The following FHIT variants were observed in gnomAD, a reference collection of about 807,000 sequenced individuals.
FHIT encodes the protein fragile histidine triad diadenosine triphosphatase.
A neutral mutation model predicts 17.9 loss-of-function variants in FHIT; 19 were observed. The ratio of observed to expected loss-of-function variants is 1.06; its 90% CI spans 0.74 to 1.56. The LOEUF (loss-of-function observed/expected upper bound fraction) is 1.56. FHIT is among the 40% of genes most tolerant of loss of function. The pLI is 0.00. For synonymous variants in FHIT, 81 were observed against 69.7 expected, an observed-to-expected ratio of 1.16 and a Z score of -0.81; for missense variants, 248 against 189.2, an observed-to-expected ratio of 1.31 and a Z score of -1.82.
At chr3:59,918,552 T>C (rs1453142613) in intron 8 of FHIT, among the ~76,000 whole-genome samples, 4 of 152,088 alleles carry the variant, frequency 2.6e-5, no homozygotes, top group African/African-American at 9.7e-5. Flanking sequence ...TGTAAATGAA[T>C]AGGCAGGGAG....
intron 3 of FHIT, among the ~76,000 whole-genome samples, chr3:60,956,717 G>A (rs1553779013): frequency 6.6e-6 from 1 of 152,146 alleles, no homozygotes; most frequent in East Asian, 1.9e-4. Context: ...TGCTGACCAG[G>A]TGTAAAACCA....
At chr3:61,219,327 ATG>A (rs72023729) in intron 1 of FHIT, among the ~76,000 whole-genome samples, 67,360 of 146,582 alleles carry the variant, frequency 0.46, 15,776 homozygotes, top group Middle Eastern at 0.55. Context: ...AAATCTAAAA[ATG>A]TGTGTGTGTG....
chr3:59,772,851 C>A (rs896768803), intron 8 of FHIT, among the ~76,000 whole-genome samples: 1 of 152,108 alleles, frequency 6.6e-6, no homozygotes, highest in Non-Finnish European at 1.5e-5. Context: ...CAGCGAATAT[C>A]GAGGGAGAAA....
intron 5 of FHIT, among the ~76,000 whole-genome samples, chr3:60,029,982 G>A (rs1457316095): frequency 1.3e-5 from 2 of 150,462 alleles, no homozygotes; most frequent in African/African-American, 4.9e-5. Flanking sequence ...TTTTATGATA[G>A]TTTTTGTTAT....
intron 4 of FHIT, among the ~76,000 whole-genome samples, chr3:60,724,667 T>G (rs1212888806): frequency 2.0e-5 from 3 of 149,734 alleles, no homozygotes; most frequent in East Asian, 1.9e-4. Flanking sequence ...TTTGTTTTTT[T>G]TTTTTTTGAG....
intron 2 of FHIT, among the ~76,000 whole-genome samples, chr3:61,159,405 C>T (rs901033947): frequency 2.0e-5 from 3 of 152,216 alleles, no homozygotes; most frequent in Non-Finnish European, 4.4e-5. Context: ...TTTCAACCCC[C>T]ACCCACACCT....
At chr3:59,793,036 T>C (rs750128664) in intron 8 of FHIT, among the ~76,000 whole-genome samples, 1 of 151,662 alleles carries the variant, frequency 6.6e-6, no homozygotes, top group Non-Finnish European at 1.5e-5. Flanking sequence ...CTCTGGGAGG[T>C]CAGGGAGTGT....
intron 2 of FHIT, among the ~76,000 whole-genome samples, chr3:61,175,867 C>T (rs2107149323): frequency 6.6e-6 from 1 of 152,250 alleles, no homozygotes. Context: ...TACAAATGAC[C>T]AAGTCTGTGA....
At chr3:60,801,435 T>G (rs894576138) in intron 4 of FHIT, among the ~76,000 whole-genome samples, 1 of 152,184 alleles carries the variant, frequency 6.6e-6, no homozygotes, top group Non-Finnish European at 1.5e-5. Context: ...TCCAATCCAC[T>G]AACTACTTGC....
chr3:60,937,308 A>G (rs1373352210), intron 3 of FHIT, among the ~76,000 whole-genome samples: 1 of 152,226 alleles, frequency 6.6e-6, no homozygotes, highest in Non-Finnish European at 1.5e-5. Flanking sequence ...TTTGCCTACT[A>G]GGAGAATATT....
intron 8 of FHIT, among the ~76,000 whole-genome samples, chr3:59,833,502 G>C (rs2106714532): frequency 6.6e-6 from 1 of 152,252 alleles, no homozygotes; most frequent in South Asian, 2.1e-4. Context: ...GCTACAGAGA[G>C]AGCATGACCC....
intron 4 of FHIT, among the ~76,000 whole-genome samples, chr3:60,737,698 C>T (rs782751486): frequency 6.6e-6 from 1 of 152,118 alleles, no homozygotes; most frequent in Non-Finnish European, 1.5e-5. Context: ...ACCAGGGTGG[C>T]TTTTCATATC....
chr3:61,043,676 C>A (rs2033641327), intron 2 of FHIT, among the ~76,000 whole-genome samples: 2 of 152,184 alleles, frequency 1.3e-5, no homozygotes, highest in South Asian at 4.1e-4. Flanking sequence ...GACAGACTGC[C>A]TCTTCAAGTG....
At chr3:59,907,672 A>T (rs1704649407) in intron 8 of FHIT, among the ~76,000 whole-genome samples, 1 of 152,240 alleles carries the variant, frequency 6.6e-6, no homozygotes, top group Admixed American at 6.5e-5. Flanking sequence ...CCCAGGCTGA[A>T]TCCTGAGGTT....
intron 4 of FHIT, among the ~76,000 whole-genome samples, chr3:60,542,483 T>C (rs1299367662): frequency 6.6e-6 from 1 of 152,202 alleles, no homozygotes. Flanking sequence ...AGTTTTTAAT[T>C]ATTGAATGGT....
chr3:60,258,103 T>C (rs1045009051), intron 5 of FHIT, among the ~76,000 whole-genome samples: 2 of 87,544 alleles, frequency 2.3e-5, no homozygotes, highest in Non-Finnish European at 5.4e-5. Context: ...CACACACACC[T>C]CTGCAGATTT....
In FHIT at chr3:60,851,070, C is replaced by T. The variant is rs553310601; in HGVS notation, c.-110-29059G>A. On this transcript the variant is annotated intron_variant, in intron 3 of 9. Coordinates refer to ENST00000492590, the MANE Select transcript of FHIT (RefSeq NM_002012.4). ...TCTCCAGGAGGAGGGAGGAGAAATA[C>T]TCTTTTAAAAGAGCAAACCTAAAAT... is the stretch of plus-strand genomic sequence containing the variant. 1.3e-4 allele frequency among the ~76,000 whole-genome samples: 20 copies of T among 152,200 alleles called. 1 individual carries two copies. Among genetic ancestry groups the T allele is most frequent in the African/African-American group, 4.3e-4 (18 of 41,504 alleles).
In FHIT at chr3:60,889,822, G is replaced by C. The variant is rs114537550; in HGVS notation, c.-110-67811C>G. 4.5e-3 allele frequency among the ~76,000 whole-genome samples: 685 copies of C among 152,252 alleles called. 4 individuals carry two copies. The highest frequency in any genetic ancestry group is 0.014 in the African/African-American group (594 of 41,550). ...ATTGGGTTAATATGATTCAATTTAC[G>C]TCTGGGCTTCTTGGTAGACAGGACA... On this transcript the variant is annotated intron_variant, in intron 3 of 9. Transcript: ENST00000492590.
chr3:60,658,009 T>C (rs559421709), intron 4 of FHIT, among the ~76,000 whole-genome samples: 3 of 152,290 alleles, frequency 2.0e-5, no homozygotes, highest in African/African-American at 7.2e-5. Context: ...AGTACATTCA[T>C]ATTGTTACAA....
Sources: gnomAD v4.1 joint callset for allele counts (sites outside exome capture counted in the v4.1 genomes callset) on GRCh38, gnomAD v4.1.1 for gene constraint, MANE v1.5 for transcripts, NCBI Gene and HGNC (gene_info 2026-07-23, HGNC 2026-07-21) for gene names.